Variants in UQCC6 observed in about 807,000 individuals in gnomAD.
UQCC6 encodes the protein protein BRAWNIN.
the UQCC6 span, among the ~76,000 whole-genome samples, chr12:103,960,663 TAC>T: frequency 2.0e-5 from 3 of 152,324 alleles, no homozygotes; most frequent in East Asian, 5.8e-4. Flanking sequence ...CATGTGCTGA[TAC>T]AGTCATATGC....
At chr12:103,956,345 A>G in the UQCC6 span, 1 of 292,804 alleles carries the variant, frequency 3.4e-6, no homozygotes, top group Non-Finnish European at 6.4e-6. Flanking sequence ...CAGGGGAAAG[A>G]ACTGGTAAAA....
the UQCC6 span, chr12:103,956,499 T>G: frequency 1.6e-6 from 1 of 642,720 alleles, no homozygotes; most frequent in Non-Finnish European, 2.8e-6. Context: ...AGATCACTTT[T>G]GCTGCCACGA....
At chr12:103,957,096 C>T in the UQCC6 span, 3 of 280,894 alleles carry the variant, frequency 1.1e-5, no homozygotes, top group Non-Finnish European at 2.1e-5. Context: ...CTGTGGACTT[C>T]ACTCCTCTCT....
chr12:103,950,630 T>G, the UQCC6 span: 1 of 152,226 alleles, frequency 6.6e-6, no homozygotes, highest in Non-Finnish European at 1.5e-5. Context: ...CGCATTTCCA[T>G]GACCACTACA....
chr12:103,961,701 T>A, the UQCC6 span, among the ~76,000 whole-genome samples: 1 of 151,846 alleles, frequency 6.6e-6, no homozygotes, highest in South Asian at 2.1e-4. Context: ...GGACTACAGG[T>A]GCCCGCCACT....
the UQCC6 span, chr12:103,951,567 T>C: frequency 6.5e-6 from 10 of 1,550,128 alleles, no homozygotes; most frequent in Non-Finnish European, 7.9e-6. Flanking sequence ...TTGTGTTTTC[T>C]TTCTTTCAGT....
At chr12:103,956,454 T>G in the UQCC6 span, 1 of 570,496 alleles carries the variant, frequency 1.8e-6, no homozygotes, top group Non-Finnish European at 3.2e-6. Context: ...CCAAAGGTTT[T>G]GGGCCCAGGG....
At chr12:103,965,371 G>A in the UQCC6 span, 1 of 152,222 alleles carries the variant, frequency 6.6e-6, no homozygotes, top group African/African-American at 2.4e-5. Context: ...AATGCGGAGA[G>A]TGGTTTATGT....
the UQCC6 span, chr12:103,957,014 T>G: frequency 2.2e-6 from 1 of 457,386 alleles, no homozygotes; most frequent in African/African-American, 2.0e-5. Flanking sequence ...TAAAGGGAGC[T>G]CTTGATCAGC....
the UQCC6 span, among the ~76,000 whole-genome samples, chr12:103,963,048 TTC>T: frequency 6.6e-6 from 1 of 151,810 alleles, no homozygotes; most frequent in Non-Finnish European, 1.5e-5. Context: ...TGATATATAT[TTC>T]TCTCTCTTGA....
At chr12:103,954,637 C>T in the UQCC6 span, 1 of 343,770 alleles carries the variant, frequency 2.9e-6, no homozygotes, top group Non-Finnish European at 5.3e-6. Context: ...CACATTTCGG[C>T]GTGAAATTTG....
the UQCC6 span, among the ~76,000 whole-genome samples, chr12:103,957,951 AT>A: frequency 3.3e-4 from 47 of 143,536 alleles, 1 homozygote; most frequent in Non-Finnish European, 2.4e-4. Context: ...TATATTATAT[AT>A]TTTTAATATA....
At chr12:103,953,455 G>C in the UQCC6 span, 3 of 702,310 alleles carry the variant, frequency 4.3e-6, no homozygotes, top group Non-Finnish European at 7.8e-6. Flanking sequence ...CACAAGTCTA[G>C]GCAGTCATCA....
the UQCC6 span, among the ~76,000 whole-genome samples, chr12:103,956,105 T>G: frequency 4.6e-5 from 7 of 151,746 alleles, no homozygotes; most frequent in African/African-American, 1.7e-4. Flanking sequence ...AAACAAAAGA[T>G]GAGACGGAAT....
chr12:103,956,437 A>G, the UQCC6 span: 1 of 549,896 alleles, frequency 1.8e-6, no homozygotes, highest in Non-Finnish European at 3.3e-6. Context: ...ATGCAATGGG[A>G]TGCCATCCAA....
the UQCC6 span, among the ~76,000 whole-genome samples, chr12:103,965,299 G>A: frequency 1.3e-5 from 2 of 152,216 alleles, no homozygotes; most frequent in Non-Finnish European, 2.9e-5. Flanking sequence ...TATGGGAGGT[G>A]ATGCTCGAAT....
chr12:103,962,787 T>G, the UQCC6 span, among the ~76,000 whole-genome samples: 1 of 152,240 alleles, frequency 6.6e-6, no homozygotes, highest in Non-Finnish European at 1.5e-5. Context: ...TGGGGCAGCC[T>G]TGCTCTGCAG....
At chr12:103,957,587 CCT>C in the UQCC6 span, among the ~76,000 whole-genome samples, 1 of 152,086 alleles carries the variant, frequency 6.6e-6, no homozygotes, top group Non-Finnish European at 1.5e-5. Flanking sequence ...ACTCACTGTC[CCT>C]GTGTCTGGCG....
the UQCC6 span, chr12:103,953,463 T>A: frequency 1.6e-4 from 114 of 702,366 alleles, 1 homozygote; most frequent in East Asian, 2.0e-3. Context: ...TAGGCAGTCA[T>A]CATGGTCTCC....
Sources: gnomAD v4.1 joint callset for allele counts (sites outside exome capture counted in the v4.1 genomes callset) on GRCh38, gnomAD v4.1.1 for gene constraint, MANE v1.5 for transcripts, NCBI Gene and HGNC (gene_info 2026-07-23, HGNC 2026-07-21) for gene names.